The following MAP3K13 variants were observed in gnomAD, a reference collection of about 807,000 sequenced individuals.
MAP3K13 encodes leucine zipper-bearing kinase.
In MAP3K13, 52 loss-of-function variants were observed where a neutral mutation model predicts 104.0. The observed-to-expected ratio is 0.50, with a 90% CI of 0.40 to 0.63. The LOEUF (loss-of-function observed/expected upper bound fraction) is 0.63. MAP3K13 is among the 20% of genes least tolerant of loss of function. The pLI is 0.00. For synonymous variants in MAP3K13, 394 were observed against 442.2 expected (o/e 0.89, Z 1.37); for missense variants, 914 against 1,218.5 (o/e 0.75, Z 3.72).
chr3:185,452,244 G>A (rs1715931566), intron 7 of MAP3K13, among the ~76,000 whole-genome samples: 1 of 151,862 alleles, frequency 6.6e-6, no homozygotes, highest in Non-Finnish European at 1.5e-5. Flanking sequence ...TATTTTTTGA[G>A]ACAAGGTCTC....
Position 185,450,152 on chromosome 3 carries a change from G to A in MAP3K13, c.1169+94G>A. 5 of 1,216,824 alleles carry A rather than the reference G, an allele frequency of 4.1e-6. No homozygotes were observed. Among genetic ancestry groups the A allele is most frequent in the Non-Finnish European group, 5.5e-6 (5 of 906,128 alleles). 75.4% of individuals were successfully genotyped at this position (1,216,824 alleles called of 1,614,324 possible). ...GGAAAGAATAGGAGCTTTGGAGTAG[G>A]AGAATCTTGGGTTCAAATACTAGCT... On this transcript the variant is annotated intron_variant, in intron 6 of 13. Transcript: ENST00000265026. This position sits in a 1 kb window ranked among gnomAD's most constrained non-coding sequence, Gnocchi z 4.2.
At chr3:185,372,113 C>T (rs1027046932) in intron 1 of MAP3K13, among the ~76,000 whole-genome samples, 2 of 152,204 alleles carry the variant, frequency 1.3e-5, no homozygotes, top group African/African-American at 4.8e-5. Context: ...AATTTAGATA[C>T]TATGCACACT....
intron 1 of MAP3K13, among the ~76,000 whole-genome samples, chr3:185,364,804 A>G (rs1723793819): frequency 6.6e-6 from 1 of 152,156 alleles, no homozygotes; most frequent in African/African-American, 2.4e-5. Flanking sequence ...TTATGGTTTC[A>G]TATTTTATTA....
At chr3:185,454,049 CAT>C (rs1716077519) in intron 7 of MAP3K13, among the ~76,000 whole-genome samples, 1 of 2,780 alleles carries the variant, frequency 3.6e-4, no homozygotes, top group Admixed American at 8.5e-3. Context: ...ATATATGATA[CAT>C]ATATATGAGA....
At chr3:185,472,125 G>C (rs1717831154) in intron 10 of MAP3K13, among the ~76,000 whole-genome samples, 1 of 151,222 alleles carries the variant, frequency 6.6e-6, no homozygotes, top group South Asian at 2.1e-4. Flanking sequence ...GCATGAGTAA[G>C]ATGAATTTTT....
chr3:185,299,096 A>G (rs1489235721), intron 2 of MAP3K13, among the ~76,000 whole-genome samples: 1 of 152,210 alleles, frequency 6.6e-6, no homozygotes, highest in East Asian at 1.9e-4. Flanking sequence ...CATTGTTCCC[A>G]TCATAACAAT....
At chr3:185,370,186 T>C (rs988431008) in intron 1 of MAP3K13, among the ~76,000 whole-genome samples, 4 of 152,072 alleles carry the variant, frequency 2.6e-5, no homozygotes, top group African/African-American at 9.7e-5. Context: ...AATTCTTTCA[T>C]AGTATTTTTT....
intron 1 of MAP3K13, chr3:185,417,987 A>G (rs11537723): frequency 7.5e-6 from 12 of 1,610,566 alleles, no homozygotes; most frequent in Admixed American, 3.3e-5. Context: ...GCCAAGTGCC[A>G]TACAATTCAT....
rs142627913 is a variant in MAP3K13, at chr3:185,384,308, C to CTGTGTGTGTGTGTGTGTGTG, written c.-86+20951_-86+20970dup. Among the ~76,000 whole-genome samples, 179 of 147,570 alleles carry CTGTGTGTGTGTGTGTGTGTG rather than the reference C, an allele frequency of 1.2e-3. 1 individual carries two copies. The highest frequency in any genetic ancestry group is 4.0e-3 in the African/African-American group (160 of 39,954). On this transcript the variant is annotated intron_variant, in intron 1 of 13. Transcript: ENST00000265026. The stretch of plus-strand genomic sequence containing the variant: ...TTTTATGACTAAATAGTATTCCATT[C>CTGTGTGTGTGTGTGTGTGTG]TGTGTGTGTGTGTGTGTGTGTGTGT...
chr3:185,292,980 G>C, intron 2 of MAP3K13: 2 of 984,772 alleles, frequency 2.0e-6, no homozygotes, highest in Non-Finnish European at 2.4e-6. Context: ...ATCCCACGTG[G>C]TAAGAATAAA....
At chr3:185,308,523 A>G (rs113968774) in intron 2 of MAP3K13, among the ~76,000 whole-genome samples, 1 of 8,654 alleles carries the variant, frequency 1.2e-4, no homozygotes, top group African/African-American at 2.1e-4. Context: ...AAAGGCCATG[A>G]GTTGGGCATT....
chr3:185,374,882 A>G (rs1304469533), intron 1 of MAP3K13, among the ~76,000 whole-genome samples: 3 of 152,176 alleles, frequency 2.0e-5, no homozygotes, highest in Non-Finnish European at 4.4e-5. Context: ...TGTGGTGGAG[A>G]TAGCTGGAGA....
At chr3:185,478,565 A>G (rs991461551) in intron 12 of MAP3K13, among the ~76,000 whole-genome samples, 3 of 152,066 alleles carry the variant, frequency 2.0e-5, no homozygotes. Context: ...TGTCCTGGGC[A>G]TCAGCCAGGC....
At chr3:185,364,272 A>C (rs1266972828) in intron 1 of MAP3K13, among the ~76,000 whole-genome samples, 1 of 152,240 alleles carries the variant, frequency 6.6e-6, no homozygotes, top group Non-Finnish European at 1.5e-5. Flanking sequence ...TTTGTTTTCC[A>C]AGGGTCTGTT....
At chr3:185,310,378 AC>A (rs1215515403) in intron 2 of MAP3K13, among the ~76,000 whole-genome samples, 2 of 152,246 alleles carry the variant, frequency 1.3e-5, no homozygotes, top group African/African-American at 2.4e-5. Context: ...ATGAAAAAAA[AC>A]ACAACCATTT....
chr3:185,292,236 C>CG (rs1202024568), intron 2 of MAP3K13: 1 of 153,546 alleles, frequency 6.5e-6, no homozygotes, highest in African/African-American at 2.4e-5. Flanking sequence ...AACCAGGAGG[C>CG]GGGGGCTGCA....
chr3:185,459,492 G>A (rs995379415), intron 7 of MAP3K13, among the ~76,000 whole-genome samples: 9 of 151,890 alleles, frequency 5.9e-5, no homozygotes, highest in East Asian at 5.8e-4. Flanking sequence ...TTGTCACCCC[G>A]GCTGGAGTGC....
At chr3:185,440,444 C>T (rs543694917) in intron 3 of MAP3K13, among the ~76,000 whole-genome samples, 20 of 152,114 alleles carry the variant, frequency 1.3e-4, no homozygotes, top group East Asian at 3.9e-4. Flanking sequence ...TTATACCTGC[C>T]GTATTTATTA....
chr3:185,329,180 G>A (rs1356030428), intron 2 of MAP3K13: 2 of 702,642 alleles, frequency 2.8e-6, no homozygotes, highest in South Asian at 1.5e-5. Flanking sequence ...TGCTAAAACA[G>A]GTCCCGTGTG....
Sources: allele counts gnomAD v4.1 joint callset (sites outside exome capture counted in the v4.1 genomes callset), GRCh38; gene constraint gnomAD v4.1.1; non-coding constraint Gnocchi (gnomAD v3.1); transcripts MANE v1.5; gene names NCBI Gene and HGNC (gene_info 2026-07-23, HGNC 2026-07-21).